HDHD2: variants seen among roughly 807,000 people sequenced by gnomAD.
The protein encoded by HDHD2 is haloacid dehalogenase-like hydrolase domain-containing protein 2.
A neutral mutation model predicts 24.8 loss-of-function variants in HDHD2; 26 were observed. The observed-to-expected ratio is 1.05, with a 90% CI of 0.77 to 1.45. The LOEUF (loss-of-function observed/expected upper bound fraction) is 1.45, where lower values mean the gene tolerates loss of function less well. Ranked by LOEUF, HDHD2 falls within the 40% of genes most tolerant of loss-of-function variation. The pLI is 0.00. For synonymous variants in HDHD2, 128 were observed against 114.9 expected (o/e 1.11, Z -0.73); for missense variants, 299 against 313.4 (o/e 0.95, Z 0.35).
chr18:47,111,868 A>G (rs2033275604), intron 6 of HDHD2: 1 of 868,474 alleles, frequency 1.2e-6, no homozygotes, highest in Non-Finnish European at 1.4e-6. Context: ...AAAATTCCCC[A>G]GTTGTAACTC....
At chr18:47,112,849 T>G (rs1377071017) in intron 6 of HDHD2, 128 bp downstream of exon 6, 1 of 728,450 alleles carries the variant, frequency 1.4e-6, no homozygotes, top group Non-Finnish European at 2.3e-6. Context: ...AGCTGTTTTA[T>G]TTTTGCTTTG....
chr18:47,137,031 A>G, intron 1 of HDHD2: 1 of 695,372 alleles, frequency 1.4e-6, no homozygotes, highest in Non-Finnish European at 2.7e-6. Flanking sequence ...GCCAACAAAA[A>G]GCCCAAGGAA....
At position 47,112,902 on chromosome 18, in the gene HDHD2, G is replaced by A. The variant is rs2063526869; in HGVS notation, c.676+75C>T. 9 of 1,258,056 alleles carry A rather than the reference G, an allele frequency of 7.2e-6. No homozygotes were observed. In the South Asian group the frequency reaches 1.1e-4, roughly 15 times the overall value. The allele number at this position is 1,258,056 out of a possible 1,614,324, so 77.9% of individuals were successfully genotyped here. On this transcript the variant is annotated intron_variant, in intron 6 of 6. Coordinates refer to ENST00000300605, the MANE Select transcript of HDHD2 (RefSeq NM_032124.5). Reference sequence around the variant, plus strand: ...AAGTGCCCAGGGCTCTGCCATTTCTGCAAAGATTGTTCTTTAAGCAACTGT... The same window carrying A: ...AAGTGCCCAGGGCTCTGCCATTTCTACAAAGATTGTTCTTTAAGCAACTGT...
chr18:47,140,165 T>C (rs775822878), intron 1 of HDHD2, among the ~76,000 whole-genome samples: 9 of 152,248 alleles, frequency 5.9e-5, no homozygotes, highest in African/African-American at 9.6e-5. Context: ...TTGCTCAACA[T>C]TGTATTTCTG....
At chr18:47,123,637 A>C (rs1568048965) in intron 4 of HDHD2, among the ~76,000 whole-genome samples, 1 of 152,168 alleles carries the variant, frequency 6.6e-6, no homozygotes, top group Non-Finnish European at 1.5e-5. Context: ...AACAACATGA[A>C]AGACAAGAAT....
chr18:47,124,430 G>A (rs1033275699), intron 4 of HDHD2, among the ~76,000 whole-genome samples: 2 of 152,180 alleles, frequency 1.3e-5, no homozygotes, highest in Admixed American at 1.3e-4. Context: ...TCTAAGGCCG[G>A]GCGCAGTGGC....
chr18:47,116,648 C>T (rs2063559933), intron 4 of HDHD2, among the ~76,000 whole-genome samples: 1 of 152,104 alleles, frequency 6.6e-6, no homozygotes, highest in Non-Finnish European at 1.5e-5. Flanking sequence ...TATTAGGAAA[C>T]CTGGCAAAGC....
intron 1 of HDHD2, among the ~76,000 whole-genome samples, chr18:47,147,867 T>G (rs2063887937): frequency 6.6e-6 from 1 of 152,216 alleles, no homozygotes; most frequent in Non-Finnish European, 1.5e-5. Flanking sequence ...GACTAAGGCC[T>G]AGAATAAAAT....
At chr18:47,135,484 C>G (rs576579256) in intron 2 of HDHD2, among the ~76,000 whole-genome samples, 1 of 152,220 alleles carries the variant, frequency 6.6e-6, no homozygotes, top group South Asian at 2.1e-4. Context: ...TGGTCTCGAA[C>G]TCCCGACCTC....
Position 47,130,235 on chromosome 18 carries a change from T to C in HDHD2, c.395+9A>G, listed in dbSNP as rs781073629. ...TATGATCAGATGAAAAATAAATAGC[T>C]AGGTTTACCGGAATGCTTGATTCAG... On this transcript the variant is annotated intron_variant, in intron 4 of 6. Transcript: ENST00000300605. 4.6e-6 allele frequency: 7 copies of C among 1,520,386 alleles called. No individual in the cohort carries two copies. Among genetic ancestry groups the C allele is most frequent in the Non-Finnish European group, 6.4e-6 (7 of 1,100,374 alleles). 94.2% of individuals were successfully genotyped at this position (1,520,386 alleles called of 1,614,324 possible).
At chr18:47,121,689 T>A (rs2063608521) in intron 4 of HDHD2, among the ~76,000 whole-genome samples, 1 of 152,148 alleles carries the variant, frequency 6.6e-6, no homozygotes, top group Non-Finnish European at 1.5e-5. Flanking sequence ...TAGCACAGTC[T>A]CGAAAGCCTT....
At chr18:47,127,345 T>C (rs2144328548) in intron 4 of HDHD2, among the ~76,000 whole-genome samples, 1 of 152,316 alleles carries the variant, frequency 6.6e-6, no homozygotes, top group South Asian at 2.1e-4. Flanking sequence ...ATACACATTA[T>C]AAATTTTGTG....
intron 1 of HDHD2, among the ~76,000 whole-genome samples, chr18:47,144,773 T>A (rs1405853617): frequency 6.9e-6 from 1 of 144,390 alleles, no homozygotes; most frequent in Non-Finnish European, 1.5e-5. Context: ...GCATTCCAGC[T>A]TGAGCAACAG....
intron 4 of HDHD2, among the ~76,000 whole-genome samples, chr18:47,128,623 G>A (rs575437981): frequency 1.3e-3 from 203 of 152,308 alleles, no homozygotes; most frequent in African/African-American, 4.2e-3. Flanking sequence ...ACAGTAAATA[G>A]ATACTGGGCA....
chr18:47,128,375 AAGT>A (rs2063680424), intron 4 of HDHD2, among the ~76,000 whole-genome samples: 1 of 152,184 alleles, frequency 6.6e-6, no homozygotes, highest in African/African-American at 2.4e-5. Context: ...AATGAGTGAA[AAGT>A]AGTAGAAGTA....
At chr18:47,110,805 T>C in intron 6 of HDHD2, 1 of 985,056 alleles carries the variant, frequency 1.0e-6, no homozygotes, top group Non-Finnish European at 1.2e-6. Context: ...AGAAAGATCC[T>C]ATTTTTTTTC....
chr18:47,141,050 T>G (rs1021719491), intron 1 of HDHD2, among the ~76,000 whole-genome samples: 1 of 152,238 alleles, frequency 6.6e-6, no homozygotes, highest in Non-Finnish European at 1.5e-5. Flanking sequence ...TATTCTGTTC[T>G]TGAAAGGAAT....
intron 4 of HDHD2, among the ~76,000 whole-genome samples, chr18:47,118,804 T>A (rs1001082564): frequency 1.3e-5 from 2 of 152,188 alleles, no homozygotes; most frequent in Admixed American, 1.3e-4. Flanking sequence ...TGCCCCATTT[T>A]ACAGATGAGA....
At chr18:47,117,379 T>C (rs899837196) in intron 4 of HDHD2, among the ~76,000 whole-genome samples, 4 of 151,910 alleles carry the variant, frequency 2.6e-5, no homozygotes, top group African/African-American at 9.7e-5. Context: ...AATGAAGAAA[T>C]AGGTTAGTTA....
Sources: gnomAD v4.1 joint callset for allele counts (sites outside exome capture counted in the v4.1 genomes callset) on GRCh38, gnomAD v4.1.1 for gene constraint, MANE v1.5 for transcripts, NCBI Gene and HGNC (gene_info 2026-07-23, HGNC 2026-07-21) for gene names.